The following GPC6 variants were observed in gnomAD, a reference collection of about 807,000 sequenced individuals.
GPC6 encodes glypican 6, also known as glypican-6.
In GPC6, 14 loss-of-function variants were observed where a neutral mutation model predicts 55.2. The ratio of observed to expected loss-of-function variants is 0.25; its 90% CI spans 0.17 to 0.40. The LOEUF (loss-of-function observed/expected upper bound fraction) is 0.40. Among genes scored for constraint, GPC6 ranks in the 10% least tolerant of loss-of-function variants. The pLI is 1.00. For synonymous variants in GPC6, 278 were observed against 259.6 expected (o/e 1.07, Z -0.68); for missense variants, 641 against 708.5 (o/e 0.90, Z 1.08).
At chr13:94,331,306 G>A (rs143831364) in intron 6 of GPC6, among the ~76,000 whole-genome samples, 68 of 152,202 alleles carry the variant, frequency 4.5e-4, no homozygotes, top group African/African-American at 1.6e-3. Context: ...TAGTCATCTC[G>A]ATAGAGACCC....
intron 3 of GPC6, among the ~76,000 whole-genome samples, chr13:93,887,513 G>A (rs528619808): frequency 4.1e-4 from 63 of 152,116 alleles, no homozygotes; most frequent in African/African-American, 1.3e-3. Flanking sequence ...CGTGTTATAT[G>A]GTATTTGCAT....
intron 4 of GPC6, among the ~76,000 whole-genome samples, chr13:94,284,223 G>A (rs1378916789): frequency 6.6e-6 from 1 of 152,150 alleles, no homozygotes; most frequent in Non-Finnish European, 1.5e-5. Context: ...CATTCACTAT[G>A]AGGCCTTTTC....
intron 4 of GPC6, among the ~76,000 whole-genome samples, chr13:94,191,727 A>G (rs1425227891): frequency 6.6e-6 from 1 of 152,072 alleles, no homozygotes; most frequent in Non-Finnish European, 1.5e-5. Context: ...TGTCTCTTCT[A>G]TTAATGACTA....
chr13:93,389,256 G>A (rs1430960684), intron 1 of GPC6, among the ~76,000 whole-genome samples: 1 of 152,074 alleles, frequency 6.6e-6, no homozygotes. Context: ...CCAGCACTTT[G>A]GGAAGGCGAG....
intron 4 of GPC6, among the ~76,000 whole-genome samples, chr13:94,219,276 A>G (rs1198919633): frequency 6.6e-5 from 10 of 152,140 alleles, no homozygotes; most frequent in Admixed American, 6.6e-4. Flanking sequence ...CCTCATTTAC[A>G]AAATGGAGGC....
intron 2 of GPC6, among the ~76,000 whole-genome samples, chr13:93,676,642 G>C (rs981758088): frequency 3.3e-5 from 5 of 152,072 alleles, no homozygotes; most frequent in South Asian, 2.1e-4. Context: ...AATGTTGTCA[G>C]ATCTCCCAAA....
intron 4 of GPC6, among the ~76,000 whole-genome samples, chr13:94,054,259 G>T (rs948065111): frequency 1.3e-5 from 2 of 152,200 alleles, no homozygotes; most frequent in Admixed American, 1.3e-4. Context: ...AGCCCAGGTG[G>T]TTGTGGTTAG....
chr13:93,343,685 T>C (rs866300718), intron 1 of GPC6, among the ~76,000 whole-genome samples: 25 of 152,326 alleles, frequency 1.6e-4, no homozygotes, highest in Middle Eastern at 6.8e-3. Flanking sequence ...TCCTATAGAA[T>C]TGTCATTCCT....
At chr13:93,513,490 T>C (rs1294302433) in intron 1 of GPC6, among the ~76,000 whole-genome samples, 1 of 152,244 alleles carries the variant, frequency 6.6e-6, no homozygotes, top group Non-Finnish European at 1.5e-5. Flanking sequence ...ATTCTAGGTT[T>C]TACCTTTGTG....
intron 3 of GPC6, among the ~76,000 whole-genome samples, chr13:93,857,827 C>A (rs1264428620): frequency 1.3e-5 from 2 of 151,136 alleles, no homozygotes; most frequent in African/African-American, 4.9e-5. Flanking sequence ...GAATAAAGAA[C>A]AACACAGAAA....
intron 2 of GPC6, among the ~76,000 whole-genome samples, chr13:93,605,587 A>T (rs148903789): frequency 0.019 from 2,824 of 152,136 alleles, 88 homozygotes; most frequent in African/African-American, 0.064. Context: ...CTGTAATCCC[A>T]GCACTTTGGG....
At chr13:93,711,530 A>G (rs1883063223) in intron 2 of GPC6, among the ~76,000 whole-genome samples, 1 of 151,738 alleles carries the variant, frequency 6.6e-6, no homozygotes, top group Non-Finnish European at 1.5e-5. Flanking sequence ...GCATAATGTC[A>G]TGGTATAGAT....
At chr13:94,219,429 T>G (rs1890317746) in intron 4 of GPC6, among the ~76,000 whole-genome samples, 1 of 152,160 alleles carries the variant, frequency 6.6e-6, no homozygotes, top group Non-Finnish European at 1.5e-5. Flanking sequence ...ACACCCAACT[T>G]TTCCCCATCA....
chr13:94,137,353 T>C (rs762078224), intron 4 of GPC6, among the ~76,000 whole-genome samples: 3 of 152,082 alleles, frequency 2.0e-5, no homozygotes, highest in Non-Finnish European at 4.4e-5. Flanking sequence ...AGGGTGAAAT[T>C]TTGTCCAGCT....
At position 93,923,397 on chromosome 13, in the gene GPC6, T is replaced by C. The variant is rs1307166479; in HGVS notation, c.711+92852T>C. On this transcript the variant is annotated intron_variant, in intron 3 of 8. Coordinates refer to ENST00000377047, the MANE Select transcript of GPC6 (RefSeq NM_005708.5). The stretch of plus-strand genomic sequence containing the variant: ...GATGATTCGGTGACTGGGTAAAACT[T>C]TGAATCTCATATTACAAAATCCCAA... 3.9e-5 allele frequency among the ~76,000 whole-genome samples: 6 copies of C among 152,242 alleles called. No homozygotes were observed. In the East Asian group the frequency reaches 1.2e-3, roughly 29 times the overall value.
intron 2 of GPC6, among the ~76,000 whole-genome samples, chr13:93,762,563 T>C (rs1476970782): frequency 6.6e-6 from 1 of 152,174 alleles, no homozygotes; most frequent in Non-Finnish European, 1.5e-5. Flanking sequence ...AAGAAGCTAC[T>C]GAGAGTTACA....
intron 2 of GPC6, among the ~76,000 whole-genome samples, chr13:93,767,714 A>G (rs1466105912): frequency 2.0e-5 from 3 of 152,176 alleles, no homozygotes; most frequent in Non-Finnish European, 4.4e-5. Flanking sequence ...CCATCAAAGA[A>G]GGGCCTGATT....
At chr13:93,824,147 G>C (rs1887152820) in intron 2 of GPC6, among the ~76,000 whole-genome samples, 1 of 152,018 alleles carries the variant, frequency 6.6e-6, no homozygotes. Context: ...AAAATACTGA[G>C]ACAATGTAAT....
chr13:93,851,944 A>G (rs1888417053), intron 3 of GPC6, among the ~76,000 whole-genome samples: 1 of 151,756 alleles, frequency 6.6e-6, no homozygotes, highest in African/African-American at 2.4e-5. Flanking sequence ...TGAGACAAAA[A>G]TATGATAAAC....
Sources: gnomAD v4.1 joint callset for allele counts (sites outside exome capture counted in the v4.1 genomes callset) on GRCh38, gnomAD v4.1.1 for gene constraint, MANE v1.5 for transcripts, NCBI Gene and HGNC (gene_info 2026-07-23, HGNC 2026-07-21) for gene names.